Variants in TRPV2 observed in about 807,000 individuals in gnomAD.
TRPV2 encodes OTRPC2.
A neutral mutation model predicts 91.0 loss-of-function variants in TRPV2; 58 were observed. That is an observed-to-expected ratio of 0.64 (90% confidence interval 0.52 to 0.79). TRPV2 has a LOEUF of 0.79. Among genes scored for constraint, TRPV2 ranks in the 30% least tolerant of loss-of-function variants. TRPV2 has a pLI of 0.00. For synonymous variants in TRPV2, 417 were observed against 414.8 expected (o/e 1.01, Z -0.06); for missense variants, 807 against 969.6 (o/e 0.83, Z 2.23).
chr17:16,423,922 C>T (rs972487158), intron 5 of TRPV2, among the ~76,000 whole-genome samples, 155 bp downstream of exon 5: 2 of 152,180 alleles, frequency 1.3e-5, no homozygotes, highest in African/African-American at 2.4e-5. Context: ...TCAGTATGTA[C>T]CTCTGATATA....
At position 16,426,327 on chromosome 17, in the gene TRPV2, C is replaced by G; in HGVS notation, c.1095+58C>G. 6.3e-7 allele frequency: 1 copy of G among 1,591,310 alleles called. No homozygotes were observed. Among genetic ancestry groups the G allele is most frequent in the Non-Finnish European group, 8.6e-7 (1 of 1,165,902 alleles). On this transcript the variant is annotated intron_variant, in intron 6 of 14. Coordinates refer to ENST00000338560, the MANE Select transcript of TRPV2 (RefSeq NM_016113.5). The surrounding 1 kb of genome is among the most constrained non-coding windows in gnomAD (Gnocchi z 6.0). ...GACCCAGCAGAGTTTCCAGCAAGGT[C>G]CACAAATTGGGGCTGCCTGCTGGAC...
chr17:16,423,259 G>C (rs1040593843), intron 4 of TRPV2, among the ~76,000 whole-genome samples: 3 of 152,268 alleles, frequency 2.0e-5, no homozygotes, highest in African/African-American at 7.2e-5. Context: ...GACTTGGCCA[G>C]GCAGAGCCTG....
chr17:16,433,532 A>AG, intron 12 of TRPV2, 42 bp from the exon 13 acceptor site: 1 of 1,606,384 alleles, frequency 6.2e-7, no homozygotes, highest in Middle Eastern at 1.7e-4. Flanking sequence ...GCCCCCAGGC[A>AG]GGGTCCCAGG....
At chr17:16,428,179 A>G (rs758571574) in intron 8 of TRPV2, 138 bp from the exon 9 acceptor site, 9 of 746,396 alleles carry the variant, frequency 1.2e-5, no homozygotes, top group Non-Finnish European at 2.1e-5. Flanking sequence ...CTCAGCTATC[A>G]GAAGTATTCA....
chr17:16,433,934 G>A (rs946416790), intron 13 of TRPV2, among the ~76,000 whole-genome samples: 3 of 152,176 alleles, frequency 2.0e-5, no homozygotes, highest in Admixed American at 2.0e-4. Flanking sequence ...GTCCCCTCCT[G>A]GTGATCTCAG....
rs1200785407 is a variant in TRPV2, at chr17:16,435,181, C to T, written c.2194+212C>T. ...CCACACCTTGCTTTCAGGCAGGAAC[C>T]AGGGGAAACCTCTGAGGCTGTTAGC... is the stretch of plus-strand genomic sequence containing the variant. On this transcript the variant is annotated intron_variant, in intron 14 of 14. Transcript: ENST00000338560. The surrounding 1 kb of genome is among the most constrained non-coding windows in gnomAD (Gnocchi z 4.2). Among the ~76,000 whole-genome samples, 1 of 152,152 alleles carries T rather than the reference C, an allele frequency of 6.6e-6. No individual in the cohort carries two copies. Among genetic ancestry groups the T allele is most frequent in the South Asian group, 2.1e-4 (1 of 4,830 alleles).
chr17:16,432,408 G>C lies in TRPV2; in HGVS notation c.1989+108G>C, dbSNP rs928701292. Reference sequence around the variant, plus strand: ...TTCCCTAGCCAGGAGATGCCGGGTTGGGCAGCTCTACCTTGTCAGTCTTCC... The same window carrying C: ...TTCCCTAGCCAGGAGATGCCGGGTTCGGCAGCTCTACCTTGTCAGTCTTCC... On this transcript the variant is annotated intron_variant, in intron 12 of 14. Transcript: ENST00000338560. 9 of 972,672 alleles carry C rather than the reference G, an allele frequency of 9.3e-6. No homozygotes were observed. The East Asian group carries it at 1.3e-4, about 14-fold the overall frequency. The allele number at this position is 972,672 out of a possible 1,614,324, so 60.3% of individuals were successfully genotyped here.
chr17:16,433,801 G>C, intron 13 of TRPV2, 103 bp downstream of exon 13: 1 of 1,509,136 alleles, frequency 6.6e-7, no homozygotes, highest in South Asian at 1.3e-5. Flanking sequence ...GGTCTGGTGG[G>C]AAGGGCAGGC....
In TRPV2 at chr17:16,431,277, A is replaced by ATATATATG. The variant is rs1340471389; in HGVS notation, c.1588-500_1588-499insGTATATAT. ...GAGACATATATATATATATATATAT[A>ATATATATG]TATATATATACATATTTTTTTTTTT... On this transcript the variant is annotated intron_variant, in intron 10 of 14. Coordinates refer to ENST00000338560, the MANE Select transcript of TRPV2 (RefSeq NM_016113.5). Among the ~76,000 whole-genome samples, 187 of 75,734 alleles carry ATATATATG rather than the reference A, an allele frequency of 2.5e-3. 4 individuals are homozygous for ATATATATG. The highest frequency in any genetic ancestry group is 0.01 in the African/African-American group (177 of 17,014). 49.7% of individuals were successfully genotyped at this position (75,734 alleles called of 152,430 possible).
At chr17:16,434,264 C>T (rs753094714) in intron 13 of TRPV2, among the ~76,000 whole-genome samples, 6 of 152,118 alleles carry the variant, frequency 3.9e-5, no homozygotes, top group East Asian at 1.9e-4. Context: ...GTCAGGAGAT[C>T]GAGACCATCC....
At chr17:16,432,805 CTTT>C (rs549732624) in intron 12 of TRPV2, among the ~76,000 whole-genome samples, 9 of 135,388 alleles carry the variant, frequency 6.6e-5, no homozygotes, top group Admixed American at 7.4e-5. Context: ...TCCAGTGTTT[CTTT>C]TTTTTTTTTT....
At position 16,431,849 on chromosome 17, in the gene TRPV2, AG is replaced by A. The variant is rs1156255379; in HGVS notation, c.1654+1del. On this transcript the variant is annotated frameshift_variant and splice_region_variant, in exon 11 of 15. Transcript: ENST00000338560. LOFTEE classifies it high-confidence loss of function. ...TAGTCTTCCTTTTCGGCTTCGCTGT[AG>A]GTAAAGGCTCCCTCCGGCCCCCTCC... ...YLVFLFGFAV[A>X]LVSLSQEAWR... 1.2e-6 allele frequency: 2 copies of A among 1,614,082 alleles called. No homozygotes were observed. Among genetic ancestry groups the A allele is most frequent in the Non-Finnish European group, 1.7e-6 (2 of 1,180,016 alleles).
rs560218068 is a variant in TRPV2 at position 16,426,344 on chromosome 17, C to T, written c.1095+75C>T. ...AGCAAGGTCCACAAATTGGGGCTGC[C>T]TGCTGGACCATATCTGCCCCATTCC... On this transcript the variant is annotated intron_variant, in intron 6 of 14. Coordinates refer to ENST00000338560, the MANE Select transcript of TRPV2 (RefSeq NM_016113.5). The surrounding 1 kb of genome is among the most constrained non-coding windows in gnomAD (Gnocchi z 6.0). 6.5e-7 allele frequency: 1 copy of T among 1,546,286 alleles called. No homozygotes were observed. Among genetic ancestry groups the T allele is most frequent in the Admixed American group, 1.8e-5 (1 of 55,226 alleles).
intron 3 of TRPV2, among the ~76,000 whole-genome samples, chr17:16,422,128 C>G (rs2093360466): frequency 6.6e-6 from 1 of 151,584 alleles, no homozygotes; most frequent in East Asian, 2.0e-4. Context: ...CACGGTAAAA[C>G]CCGTCTCTGC....
At chr17:16,429,676 C>T (rs1331423081) in intron 10 of TRPV2, among the ~76,000 whole-genome samples, 2 of 152,034 alleles carry the variant, frequency 1.3e-5, no homozygotes, top group South Asian at 2.1e-4. Flanking sequence ...GTGGCTGCCA[C>T]GAGCCAGAAG....
At chr17:16,419,201 A>G in intron 2 of TRPV2, 1 of 396,770 alleles carries the variant, frequency 2.5e-6, no homozygotes. Flanking sequence ...CAGAAGCCCC[A>G]GAGGCAAGTT....
At position 16,425,611 on chromosome 17, in the gene TRPV2, G is replaced by C. The variant is rs139221830; in HGVS notation, c.925-488G>C. Reference sequence around the variant, plus strand: ...TGTGAACCTCACTTTCTTGTCTAGAGGCACTGCTGTGTGGCCTATGAAAGC... The same window carrying C: ...TGTGAACCTCACTTTCTTGTCTAGACGCACTGCTGTGTGGCCTATGAAAGC... On this transcript the variant is annotated intron_variant, in intron 5 of 14. Transcript: ENST00000338560. Among the ~76,000 whole-genome samples the C allele has an allele frequency of 6.4e-3, 976 of 152,290 alleles. 7 individuals are homozygous for C. Among genetic ancestry groups the C allele is most frequent in the African/African-American group, 0.022 (932 of 41,552 alleles).
rs151166887 is a variant in TRPV2 at position 16,428,857 on chromosome 17, T to C, written c.1462T>C (p.Cys488Arg). Residue 488 changes from cysteine (C) to arginine (R), a missense_variant, in exon 10 of 15, where the codon TGT becomes CGT. Cys to Arg is a radical substitution (Grantham distance 180, BLOSUM62 -3). Coordinates refer to ENST00000338560, the MANE Select transcript of TRPV2 (RefSeq NM_016113.5). Reference sequence around the variant, plus strand: ...GCTCACAGTGGTGTCCCAGGTGCTGTGTTTCCTGGCCATCGAGTGGTACCT... The same window carrying C: ...GCTCACAGTGGTGTCCCAGGTGCTGCGTTTCCTGGCCATCGAGTGGTACCT... ...ALLTVVSQVLCFLAIEWYLPL... is the reference protein window; with the variant it reads ...ALLTVVSQVLRFLAIEWYLPL... The C allele has an allele frequency of 6.8e-6, 11 of 1,613,820 alleles. No homozygotes were observed. The South Asian group carries it at 1.1e-4, about 16-fold the overall frequency.
intron 10 of TRPV2, among the ~76,000 whole-genome samples, chr17:16,430,686 C>CA: frequency 6.6e-6 from 1 of 152,122 alleles, no homozygotes; most frequent in Non-Finnish European, 1.5e-5. Context: ...GGAGTTTTGC[C>CA]ACGTTGGCCA....
Sources: allele counts gnomAD v4.1 joint callset (sites outside exome capture counted in the v4.1 genomes callset), GRCh38; gene constraint gnomAD v4.1.1; non-coding constraint Gnocchi (gnomAD v3.1); transcripts MANE v1.5; gene names NCBI Gene and HGNC (gene_info 2026-07-23, HGNC 2026-07-21).